ROR1: variants seen among roughly 807,000 people sequenced by gnomAD.
ROR1 encodes the protein ROR family WNT receptor 1, also known as inactive tyrosine-protein kinase transmembrane receptor ROR1.
ROR1 carries 19 observed loss-of-function variants against 78.8 expected under a neutral mutation model. The observed-to-expected ratio is 0.24, with a 90% confidence interval of 0.17 to 0.35. The LOEUF is 0.35. ROR1 is among the 10% of genes least tolerant of loss of function. The pLI, the probability that ROR1 is intolerant of heterozygous loss-of-function variation, is 1.00. For missense variants in ROR1, 917 were observed against 1,177.8 expected (o/e 0.78, Z 3.24); for synonymous variants, 386 against 433.6 (o/e 0.89, Z 1.36).
At chr1:64,068,550 A>G (rs972647022) in intron 4 of ROR1, among the ~76,000 whole-genome samples, 2 of 152,190 alleles carry the variant, frequency 1.3e-5, no homozygotes, top group African/African-American at 4.8e-5. Context: ...ATATATATGA[A>G]ATGATTTTAA....
At chr1:64,087,154 C>A (rs947031001) in intron 4 of ROR1, among the ~76,000 whole-genome samples, 1 of 152,180 alleles carries the variant, frequency 6.6e-6, no homozygotes, top group South Asian at 2.1e-4. Context: ...ATCACTCAGA[C>A]CTTCATAGTA....
chr1:63,868,127 G>GT (rs146709078), intron 1 of ROR1, among the ~76,000 whole-genome samples: 63 of 151,792 alleles, frequency 4.2e-4, no homozygotes, highest in African/African-American at 8.5e-4. Context: ...TACTAGCGCA[G>GT]TTTTTGTTGT....
chr1:64,137,296 C>A lies in ROR1; in HGVS notation c.483-73C>A. The stretch of plus-strand genomic sequence containing the variant: ...GCCCCCTAGTGACTATTTAGGGTAT[C>A]GCGCAGTCAGAGCTTGCTGTGCCCT... On this transcript the variant is annotated intron_variant, in intron 4 of 8. Coordinates refer to ENST00000371079, the MANE Select transcript of ROR1 (RefSeq NM_005012.4). 3 of 1,547,664 alleles carry A rather than the reference C, an allele frequency of 1.9e-6. No homozygotes were observed. The South Asian group carries it at 3.5e-5, about 18-fold the overall frequency.
chr1:63,903,322 T>C (rs1309377084), intron 1 of ROR1, among the ~76,000 whole-genome samples: 2 of 152,214 alleles, frequency 1.3e-5, no homozygotes, highest in African/African-American at 4.8e-5. Flanking sequence ...TTTTCTTTAG[T>C]TGAATTTCGG....
intron 4 of ROR1, among the ~76,000 whole-genome samples, chr1:64,127,284 C>T (rs140506537): frequency 6.6e-6 from 1 of 152,236 alleles, no homozygotes; most frequent in Non-Finnish European, 1.5e-5. Flanking sequence ...TGGAGCAAGA[C>T]CTAAGCTTTT....
chr1:64,164,575 TATAACTG>T (rs1251120794), intron 8 of ROR1, among the ~76,000 whole-genome samples: 1 of 152,242 alleles, frequency 6.6e-6, no homozygotes, highest in Non-Finnish European at 1.5e-5. Flanking sequence ...CTATTATTGT[TATAACTG>T]ATGAGTACAG....
intron 4 of ROR1, among the ~76,000 whole-genome samples, chr1:64,120,931 G>A (rs903681441): frequency 1.3e-5 from 2 of 151,986 alleles, no homozygotes; most frequent in Admixed American, 6.6e-5. Flanking sequence ...TGTTCCCAGT[G>A]TTCACATTAA....
intron 1 of ROR1, among the ~76,000 whole-genome samples, chr1:63,798,625 C>T (rs1385031862): frequency 6.6e-6 from 1 of 152,146 alleles, no homozygotes; most frequent in Non-Finnish European, 1.5e-5. Flanking sequence ...CCTTTGTATC[C>T]CCAGCCCTGA....
At chr1:63,987,426 A>C (rs1433945773) in intron 1 of ROR1, among the ~76,000 whole-genome samples, 2 of 152,170 alleles carry the variant, frequency 1.3e-5, no homozygotes, top group South Asian at 4.1e-4. Context: ...TCTTTTTTCA[A>C]GGTATATGGG....
chr1:63,808,190 C>A (rs531903619), intron 1 of ROR1, among the ~76,000 whole-genome samples: 7 of 152,228 alleles, frequency 4.6e-5, no homozygotes, highest in African/African-American at 1.7e-4. Context: ...GAGACATAAA[C>A]AGAGGTGATA....
At chr1:64,102,047 A>G (rs140806544) in intron 4 of ROR1, among the ~76,000 whole-genome samples, 7 of 152,278 alleles carry the variant, frequency 4.6e-5, no homozygotes, top group African/African-American at 1.4e-4. Flanking sequence ...CACTTCCTGT[A>G]TTCAGGTGAT....
intron 1 of ROR1, among the ~76,000 whole-genome samples, chr1:63,842,631 T>G (rs1381475699): frequency 1.3e-5 from 2 of 151,322 alleles, no homozygotes; most frequent in Admixed American, 1.3e-4. Flanking sequence ...AAGGGACTCA[T>G]GGAGAATGTC....
chr1:63,859,887 C>G (rs569533963), intron 1 of ROR1, among the ~76,000 whole-genome samples: 1 of 152,292 alleles, frequency 6.6e-6, no homozygotes, highest in Admixed American at 6.5e-5. Flanking sequence ...TAATTAGGCC[C>G]TGGGCTAAGT....
chr1:64,131,491 T>TTTGCAACCA (rs1648910274), intron 4 of ROR1, among the ~76,000 whole-genome samples: 2 of 152,104 alleles, frequency 1.3e-5, no homozygotes, highest in Non-Finnish European at 2.9e-5. Context: ...GAGGCCTGAA[T>TTTGCAACCA]TTGCAACCAT....
intron 4 of ROR1, among the ~76,000 whole-genome samples, chr1:64,130,744 ATCT>A (rs1390612163): frequency 2.6e-5 from 4 of 152,184 alleles, no homozygotes; most frequent in African/African-American, 9.6e-5. Flanking sequence ...TATGTCTCTG[ATCT>A]TCTGTCTACA....
Position 63,901,404 on chromosome 1 carries a change from A to G in ROR1, c.92-107901A>G, listed in dbSNP as rs572199470. ...TATCCCCAGTTTACACACTTTCACT[A>G]AGTCAAGATTCCATGTCTGTAGCTG... On this transcript the variant is annotated intron_variant, in intron 1 of 8. Coordinates refer to ENST00000371079, the MANE Select transcript of ROR1 (RefSeq NM_005012.4). Among the ~76,000 whole-genome samples, 7 of 152,266 alleles carry G rather than the reference A, an allele frequency of 4.6e-5. No homozygotes were observed. In the East Asian group the frequency reaches 1.2e-3, roughly 25 times the overall value.
intron 4 of ROR1, among the ~76,000 whole-genome samples, chr1:64,136,984 G>A (rs1255914965): frequency 2.6e-5 from 4 of 152,094 alleles, no homozygotes; most frequent in Non-Finnish European, 5.9e-5. Flanking sequence ...CCACGCCTTT[G>A]TAGCAAATGA....
intron 2 of ROR1, among the ~76,000 whole-genome samples, chr1:64,034,172 T>C (rs140366510): frequency 1.4e-5 from 2 of 142,922 alleles, no homozygotes; most frequent in Non-Finnish European, 3.1e-5. Flanking sequence ...TCATGCACAA[T>C]TTGCTTTTTC....
intron 8 of ROR1, among the ~76,000 whole-genome samples, chr1:64,170,765 T>G (rs990711492): frequency 2.0e-5 from 3 of 152,194 alleles, no homozygotes; most frequent in Admixed American, 6.5e-5. Context: ...GCTTAGAAAT[T>G]TCTTCCGCCA....
Sources: gnomAD v4.1 joint callset for allele counts (sites outside exome capture counted in the v4.1 genomes callset) on GRCh38, gnomAD v4.1.1 for gene constraint, MANE v1.5 for transcripts, NCBI Gene and HGNC (gene_info 2026-07-23, HGNC 2026-07-21) for gene names.